VWA3B: variants seen among roughly 807,000 people sequenced by gnomAD.
VWA3B encodes the protein von Willebrand factor A domain containing 3B.
VWA3B carries 138 observed loss-of-function variants against 158.3 expected under a neutral mutation model. The observed-to-expected ratio is 0.87, with a 90% CI of 0.76 to 1.00. VWA3B has a LOEUF of 1.00. Among genes scored for constraint, VWA3B ranks in the 50% least tolerant of loss-of-function variants. The pLI is 0.00. For missense variants in VWA3B, 1,555 were observed against 1,565.1 expected, an observed-to-expected ratio of 0.99 and a Z score of 0.11; for synonymous variants, 596 against 587.3, an observed-to-expected ratio of 1.01 and a Z score of -0.21.
intron 7 of VWA3B, among the ~76,000 whole-genome samples, chr2:98,138,467 T>C (rs1191507954): frequency 6.6e-6 from 1 of 152,206 alleles, no homozygotes; most frequent in Non-Finnish European, 1.5e-5. Context: ...CGCCCGTATT[T>C]TCTTACACAC....
At chr2:98,172,829 G>T (rs144582713) in intron 8 of VWA3B, among the ~76,000 whole-genome samples, 1 of 152,178 alleles carries the variant, frequency 6.6e-6, no homozygotes, top group Non-Finnish European at 1.5e-5. Context: ...TTGAGAGCCC[G>T]GTAGAGAAAT....
chr2:98,327,347 G>A, the VWA3B span, among the ~76,000 whole-genome samples: 2 of 152,040 alleles, frequency 1.3e-5, no homozygotes, highest in Non-Finnish European at 2.9e-5. Flanking sequence ...AAGAAAATAA[G>A]GGAGAAGGTA....
chr2:98,099,249 T>C (rs1428470858), intron 2 of VWA3B: 1 of 152,190 alleles, frequency 6.6e-6, no homozygotes, highest in Non-Finnish European at 1.5e-5. Context: ...TAGCATTTCT[T>C]ATAAGGCAGG....
intron 15 of VWA3B, among the ~76,000 whole-genome samples, chr2:98,229,282 CA>C (rs1472651133): frequency 6.6e-6 from 1 of 152,186 alleles, no homozygotes; most frequent in East Asian, 1.9e-4. Flanking sequence ...TCGGGGTGCA[CA>C]GATGAATGTC....
intron 22 of VWA3B, among the ~76,000 whole-genome samples, chr2:98,285,972 G>C (rs551194321): frequency 6.6e-6 from 1 of 151,978 alleles, no homozygotes; most frequent in East Asian, 1.9e-4. Flanking sequence ...TTTTAGTTTT[G>C]AGTGTATAAG....
intron 7 of VWA3B, among the ~76,000 whole-genome samples, chr2:98,143,752 C>CTTTTT (rs534351736): frequency 6.9e-4 from 90 of 130,864 alleles, no homozygotes; most frequent in Non-Finnish European, 8.3e-4. Flanking sequence ...CTTTTCTTTT[C>CTTTTT]TTTTTTTTTT....
At chr2:98,212,680 A>C (rs767445152) in intron 13 of VWA3B, among the ~76,000 whole-genome samples, 1 of 152,266 alleles carries the variant, frequency 6.6e-6, no homozygotes, top group Non-Finnish European at 1.5e-5. Context: ...GCATATGCAG[A>C]CTGCTAGGCA....
At chr2:98,298,104 C>CA in intron 24 of VWA3B, 73 bp downstream of exon 24, 3 of 1,361,426 alleles carry the variant, frequency 2.2e-6, no homozygotes, top group Non-Finnish European at 2.9e-6. Flanking sequence ...AACGCCAAGG[C>CA]CACTGTTTGG....
rs754097135 is a variant in VWA3B, at chr2:98,119,754, A to G, written c.533A>G (p.Asn178Ser). ...CAGGTGGCTCACATAACCGAGTTCA[A>G]TATCATACGGTGAGTTCCCATAGGA... The part of the protein sequence containing the change: ...QEQVAHITEF[N>S]IIRVSQEPVK... The change falls in exon 4 of 28, where the codon AAT becomes AGT. Residue 178 changes from asparagine (N) to serine (S), a missense_variant. By Grantham distance (46) the Asn-to-Ser change is conservative. Coordinates refer to ENST00000477737, the MANE Select transcript of VWA3B (RefSeq NM_144992.5). The G allele has an allele frequency of 4.3e-6, 7 of 1,614,044 alleles. No homozygotes were observed. Among genetic ancestry groups the G allele is most frequent in the South Asian group, 1.1e-5 (1 of 91,064 alleles).
chr2:98,236,013 C>T (rs958439364), intron 17 of VWA3B, among the ~76,000 whole-genome samples: 2 of 152,174 alleles, frequency 1.3e-5, no homozygotes, highest in African/African-American at 4.8e-5. Flanking sequence ...ACTAAACAAT[C>T]TATCAGAAAT....
At chr2:98,193,625 T>G (rs1044799856) in intron 11 of VWA3B, among the ~76,000 whole-genome samples, 1 of 151,216 alleles carries the variant, frequency 6.6e-6, no homozygotes, top group Admixed American at 6.6e-5. Context: ...AGATGGAGTC[T>G]CACTGTGTCG....
chr2:98,166,330 C>G (rs187720134), intron 8 of VWA3B, among the ~76,000 whole-genome samples: 159 of 152,246 alleles, frequency 1.0e-3, no homozygotes, highest in South Asian at 2.1e-3. Flanking sequence ...GAGCGAGACT[C>G]TGTCTCAAAA....
intron 2 of VWA3B, among the ~76,000 whole-genome samples, chr2:98,095,037 T>A (rs1573741671): frequency 1.3e-5 from 2 of 152,330 alleles, no homozygotes; most frequent in East Asian, 3.9e-4. Flanking sequence ...TTTTGTAGTA[T>A]ATTTTGAAGC....
intron 23 of VWA3B, among the ~76,000 whole-genome samples, chr2:98,292,714 C>A (rs1574293178): frequency 1.3e-5 from 2 of 152,138 alleles, no homozygotes; most frequent in East Asian, 3.8e-4. Flanking sequence ...CCTGTAATCT[C>A]AGCACTTTGG....
chr2:98,214,716 T>C (rs1380437654), intron 13 of VWA3B, among the ~76,000 whole-genome samples: 1 of 152,196 alleles, frequency 6.6e-6, no homozygotes, highest in Non-Finnish European at 1.5e-5. Flanking sequence ...CTCATTCTCT[T>C]CTAGGTTCCA....
intron 9 of VWA3B, among the ~76,000 whole-genome samples, chr2:98,183,637 A>G (rs897894025): frequency 6.6e-6 from 1 of 152,186 alleles, no homozygotes; most frequent in Non-Finnish European, 1.5e-5. Flanking sequence ...TCAAAAACCC[A>G]TTCTTGTCTC....
At chr2:98,108,546 C>T (rs533831744) in intron 2 of VWA3B, among the ~76,000 whole-genome samples, 1 of 152,296 alleles carries the variant, frequency 6.6e-6, no homozygotes, top group African/African-American at 2.4e-5. Flanking sequence ...GATACATACA[C>T]ATTTAGGATT....
rs751689571 is a variant in VWA3B, at chr2:98,294,203, C to CAAA, written c.3157+3606_3157+3608dup. ...TTTCCCTCACACACACACACACACA[C>CAAA]AAAAAAAAAAAAAAAAAAAAAAAAA... is the stretch of plus-strand genomic sequence containing the variant. On this transcript the variant is annotated intron_variant, in intron 23 of 27. Transcript: ENST00000477737. 4.5e-3 allele frequency among the ~76,000 whole-genome samples: 254 copies of CAAA among 56,272 alleles called. 23 individuals carry two copies. The highest frequency in any genetic ancestry group is 9.6e-3 in the African/African-American group (110 of 11,514). 36.9% of individuals were successfully genotyped at this position (56,272 alleles called of 152,430 possible). A position where few individuals can be genotyped will look rare whatever the true frequency, so the allele number is the denominator to read the frequency against.
chr2:98,216,384 A>G (rs568894137), intron 13 of VWA3B, among the ~76,000 whole-genome samples: 55 of 152,382 alleles, frequency 3.6e-4, no homozygotes, highest in African/African-American at 1.3e-3. Flanking sequence ...CTGGACTGGA[A>G]TCAAGAAAAT....
Sources: allele counts gnomAD v4.1 joint callset (sites outside exome capture counted in the v4.1 genomes callset), GRCh38; gene constraint gnomAD v4.1.1; transcripts MANE v1.5; gene names NCBI Gene and HGNC (gene_info 2026-07-23, HGNC 2026-07-21).